GRM1: variants seen among roughly 807,000 people sequenced by gnomAD.
GRM1 encodes metabotropic glutamate receptor 1.
Under a neutral mutation model 90.9 loss-of-function variants are expected in GRM1, and 33 were observed. The ratio of observed to expected loss-of-function variants is 0.36; its 90% CI spans 0.28 to 0.49. The LOEUF (loss-of-function observed/expected upper bound fraction) is 0.49. Ranked by LOEUF, GRM1 falls within the 20% of genes least tolerant of loss-of-function variation. GRM1 has a pLI of 0.99. For synonymous variants in GRM1, 700 were observed against 613.2 expected, an observed-to-expected ratio of 1.14 and a Z score of -2.09; for missense variants, 1,190 against 1,534.3, an observed-to-expected ratio of 0.78 and a Z score of 3.75.
At chr6:146,142,627 C>T (rs1776925938) in intron 1 of GRM1, among the ~76,000 whole-genome samples, 1 of 151,824 alleles carries the variant, frequency 6.6e-6, no homozygotes, top group Non-Finnish European at 1.5e-5. Context: ...TCTTTCCCAC[C>T]CTACCCTCCC....
At chr6:146,109,220 A>G (rs936812874) in intron 1 of GRM1, among the ~76,000 whole-genome samples, 3 of 152,144 alleles carry the variant, frequency 2.0e-5, no homozygotes, top group African/African-American at 4.8e-5. Flanking sequence ...AGCCCCCCCA[A>G]TCACAGTTCC....
intron 2 of GRM1, among the ~76,000 whole-genome samples, chr6:146,209,468 G>A (rs1459883919): frequency 6.6e-6 from 1 of 152,094 alleles, no homozygotes; most frequent in East Asian, 1.9e-4. Context: ...ATAGAACCAA[G>A]AAGTAATGAA....
intron 2 of GRM1, among the ~76,000 whole-genome samples, chr6:146,276,388 T>G (rs1434158082): frequency 1.3e-5 from 2 of 152,178 alleles, no homozygotes; most frequent in East Asian, 3.9e-4. Flanking sequence ...GCCTCCAAAT[T>G]ATGTAACAGA....
chr6:146,128,432 T>A (rs572757197), intron 1 of GRM1, among the ~76,000 whole-genome samples: 1 of 152,338 alleles, frequency 6.6e-6, no homozygotes, highest in African/African-American at 2.4e-5. Flanking sequence ...ACTGCAATTA[T>A]CATCTCTATT....
chr6:146,035,499 C>G (rs1383961891), intron 1 of GRM1, among the ~76,000 whole-genome samples: 1 of 151,978 alleles, frequency 6.6e-6, no homozygotes. Context: ...TAGCTGTCTA[C>G]TTTATACTTG....
chr6:146,433,458 T>C (rs559887453), intron 7 of GRM1, among the ~76,000 whole-genome samples: 66 of 152,264 alleles, frequency 4.3e-4, no homozygotes, highest in African/African-American at 1.5e-3. Flanking sequence ...GCCATTATTT[T>C]GGTTGTCCAT....
intron 7 of GRM1, among the ~76,000 whole-genome samples, chr6:146,406,730 A>G (rs1777361489): frequency 6.6e-6 from 1 of 152,170 alleles, no homozygotes; most frequent in East Asian, 1.9e-4. Flanking sequence ...GCTACTTGGG[A>G]GGCTGAGGCA....
intron 1 of GRM1, among the ~76,000 whole-genome samples, chr6:146,119,878 G>A (rs549746340): frequency 2.2e-4 from 33 of 152,288 alleles, no homozygotes; most frequent in African/African-American, 7.0e-4. Flanking sequence ...GTAGCGTGAT[G>A]CCTCCAGCTT....
At chr6:146,064,239 A>G (rs953907942) in intron 1 of GRM1, among the ~76,000 whole-genome samples, 1 of 152,160 alleles carries the variant, frequency 6.6e-6, no homozygotes, top group African/African-American at 2.4e-5. Context: ...GCACATGTAT[A>G]TGTTTATGTG....
intron 1 of GRM1, among the ~76,000 whole-genome samples, chr6:146,131,164 T>G (rs1776383884): frequency 6.6e-6 from 1 of 152,228 alleles, no homozygotes; most frequent in African/African-American, 2.4e-5. Context: ...ACCTAGGCAC[T>G]AAGAAGACAG....
intron 1 of GRM1, among the ~76,000 whole-genome samples, chr6:146,042,865 C>A (rs562592616): frequency 6.6e-6 from 1 of 152,090 alleles, no homozygotes; most frequent in Admixed American, 6.5e-5. Flanking sequence ...CTTTAATTTA[C>A]TACAAAGGCT....
intron 1 of GRM1, among the ~76,000 whole-genome samples, chr6:146,140,274 T>G (rs901881910): frequency 5.9e-5 from 9 of 151,330 alleles, no homozygotes; most frequent in African/African-American, 1.5e-4. Flanking sequence ...TTATTATGAT[T>G]ATTATTATTT....
intron 2 of GRM1, among the ~76,000 whole-genome samples, chr6:146,258,485 G>A (rs1781568299): frequency 6.6e-6 from 1 of 151,822 alleles, no homozygotes; most frequent in South Asian, 2.1e-4. Flanking sequence ...AAGTCTCCTT[G>A]ATATCTTGCC....
chr6:146,240,152 G>A (rs1320647349), intron 2 of GRM1, among the ~76,000 whole-genome samples: 1 of 152,176 alleles, frequency 6.6e-6, no homozygotes, highest in African/African-American at 2.4e-5. Flanking sequence ...TTGCAAACAC[G>A]TTGTGAAGAG....
At chr6:146,357,750 A>G (rs1785643202) in intron 5 of GRM1, 56 bp downstream of exon 5, 2 of 1,325,016 alleles carry the variant, frequency 1.5e-6, no homozygotes, top group Admixed American at 1.7e-5. Context: ...CTGCCTGGAC[A>G]TTAGTAAAGA....
At position 146,436,325 on chromosome 6, in the gene GRM1, GA is replaced by G. The variant is rs1472949871; in HGVS notation, c.*1533del. 6.6e-6 allele frequency: 1 copy of G among 152,086 alleles called. No homozygotes were observed. The highest frequency in any genetic ancestry group is 1.5e-5 in the Non-Finnish European group (1 of 68,014). 9.4% of individuals were successfully genotyped at this position (152,086 alleles called of 1,614,324 possible). On this transcript the variant is annotated 3_prime_UTR_variant, in exon 8 of 8. Coordinates refer to ENST00000282753, the MANE Select transcript of GRM1 (RefSeq NM_001278064.2). ...AGATATGTTATTAATGAAGTGGTTT[GA>G]AAATTTGTTATATTAAAAGTGCACA...
intron 2 of GRM1, among the ~76,000 whole-genome samples, chr6:146,182,871 A>G (rs1011935897): frequency 6.6e-6 from 1 of 152,188 alleles, no homozygotes; most frequent in Non-Finnish European, 1.5e-5. Context: ...TTCTCATAAA[A>G]TTAGTAACAG....
At chr6:146,337,713 A>G (rs929001574) in intron 3 of GRM1, among the ~76,000 whole-genome samples, 3 of 152,180 alleles carry the variant, frequency 2.0e-5, no homozygotes, top group African/African-American at 4.8e-5. Context: ...TTTTGTGTTT[A>G]TTTACAGGAA....
At chr6:146,182,747 T>A (rs377084106) in intron 2 of GRM1, among the ~76,000 whole-genome samples, 1 of 152,092 alleles carries the variant, frequency 6.6e-6, no homozygotes, top group South Asian at 2.1e-4. Context: ...ATTTACAACA[T>A]GAAACAAGAC....
Sources: allele counts gnomAD v4.1 joint callset (sites outside exome capture counted in the v4.1 genomes callset), GRCh38; gene constraint gnomAD v4.1.1; transcripts MANE v1.5; gene names NCBI Gene and HGNC (gene_info 2026-07-23, HGNC 2026-07-21).